The following CUL5 variants were observed in gnomAD, a reference collection of about 807,000 sequenced individuals.
The protein encoded by CUL5 is cullin 5.
In CUL5, 26 loss-of-function variants were observed where a neutral mutation model predicts 108.8. The ratio of observed to expected loss-of-function variants is 0.24; its 90% CI spans 0.18 to 0.33. CUL5 has a LOEUF of 0.33. CUL5 is among the 10% of genes least tolerant of loss of function. The pLI, the probability that CUL5 is intolerant of heterozygous loss-of-function variation, is 1.00. For synonymous variants in CUL5, 334 were observed against 298.0 expected (o/e 1.12, Z -1.25); for missense variants, 524 against 909.2 (o/e 0.58, Z 5.45).
At chr11:108,042,952 G>A (rs1477604473) in intron 2 of CUL5, among the ~76,000 whole-genome samples, 1 of 152,038 alleles carries the variant, frequency 6.6e-6, no homozygotes, top group Non-Finnish European at 1.5e-5. Flanking sequence ...TAGTAGAGAT[G>A]GAGTTTCGCT....
rs749890524 is a variant in CUL5, at chr11:108,046,276, G to A, written c.141G>A (p.Val47=). 3.3e-5 allele frequency: 53 copies of A among 1,604,372 alleles called. No individual in the cohort carries two copies. Among genetic ancestry groups the A allele is most frequent in the Non-Finnish European group, 4.3e-5 (50 of 1,173,220 alleles). The change falls in exon 3 of 19, where the codon GTG becomes GTA. Residue 47 remains valine, a synonymous_variant. Transcript: ENST00000393094. ...KQQWFDLFSD[V]HAVCLWDDKG... The stretch of plus-strand genomic sequence containing the variant: ...ACCTACTTTATATTCACAGGGATGT[G>A]CATGCAGTCTGTCTTTGGGATGATA...
At chr11:108,013,441 G>A (rs183383869) in intron 1 of CUL5, among the ~76,000 whole-genome samples, 3 of 152,256 alleles carry the variant, frequency 2.0e-5, no homozygotes, top group Admixed American at 2.0e-4. Context: ...GATCTTTCCA[G>A]CTGGGTCTTC....
chr11:108,105,964 A>C lies in CUL5; in HGVS notation c.*1580A>C, dbSNP rs1565275018. 1 of 152,200 alleles carries C rather than the reference A, an allele frequency of 6.6e-6. No homozygotes were observed. Among genetic ancestry groups the C allele is most frequent in the Non-Finnish European group, 1.5e-5 (1 of 68,008 alleles). The allele number at this position is 152,200 out of a possible 1,614,324, so 9.4% of individuals were successfully genotyped here. A position where few individuals can be genotyped will look rare whatever the true frequency, so the allele number is the denominator to read the frequency against. Reference sequence around the variant, plus strand: ...CTGAATGGAAGGAAAGCAACTTTAAAACATTTAGAGTTTTGCTGAGTATAG... The same window carrying C: ...CTGAATGGAAGGAAAGCAACTTTAACACATTTAGAGTTTTGCTGAGTATAG... On this transcript the variant is annotated 3_prime_UTR_variant, in exon 19 of 19. Transcript: ENST00000393094.
chr11:108,020,485 A>G (rs1179689302), intron 1 of CUL5, among the ~76,000 whole-genome samples: 1 of 152,138 alleles, frequency 6.6e-6, no homozygotes, highest in Non-Finnish European at 1.5e-5. Flanking sequence ...AGTTTATAGA[A>G]TAAGGATATA....
intron 7 of CUL5, among the ~76,000 whole-genome samples, chr11:108,057,140 C>G (rs946962177): frequency 1.3e-5 from 2 of 152,146 alleles, no homozygotes; most frequent in Non-Finnish European, 2.9e-5. Context: ...AAAAGGCCAA[C>G]TAAAAGAATA....
chr11:108,070,365 G>A (rs1863790600), intron 8 of CUL5, among the ~76,000 whole-genome samples, 176 bp downstream of exon 8: 1 of 152,118 alleles, frequency 6.6e-6, no homozygotes, highest in Admixed American at 6.5e-5. Context: ...ACTGCTAAGA[G>A]TATATAAACT....
chr11:108,011,905 C>T (rs1044586926), intron 1 of CUL5, among the ~76,000 whole-genome samples: 5 of 152,314 alleles, frequency 3.3e-5, no homozygotes, highest in South Asian at 4.1e-4. Flanking sequence ...GGATTATAGG[C>T]GTGAGCCACC....
intron 13 of CUL5, among the ~76,000 whole-genome samples, chr11:108,090,020 A>G (rs986927694): frequency 1.4e-5 from 2 of 140,996 alleles, no homozygotes; most frequent in Admixed American, 7.6e-5. Context: ...AGCCTGGGTA[A>G]CAGAGTGGGA....
At chr11:108,103,738 G>T (rs1048713609) in intron 18 of CUL5, among the ~76,000 whole-genome samples, 1 of 152,144 alleles carries the variant, frequency 6.6e-6, no homozygotes, top group Non-Finnish European at 1.5e-5. Context: ...AAAACATTAG[G>T]TGTAGTTTTC....
At chr11:108,101,439 T>C (rs1864662885) in intron 18 of CUL5, among the ~76,000 whole-genome samples, 1 of 152,262 alleles carries the variant, frequency 6.6e-6, no homozygotes, top group Non-Finnish European at 1.5e-5. Context: ...TTCTAGTTGC[T>C]AAGGGCCCCA....
chr11:108,038,915 A>G (rs1343489169), intron 2 of CUL5, among the ~76,000 whole-genome samples: 1 of 151,746 alleles, frequency 6.6e-6, no homozygotes, highest in East Asian at 1.9e-4. Context: ...CTTTTCTCCT[A>G]ATCTATATTC....
chr11:108,080,949 TATC>T lies in CUL5; in HGVS notation c.1178+2712_1178+2714del, dbSNP rs1864064517. ...GTTTCATATTTAGATCATGAAGATT[TATC>T]ATTATTTATTTATTTATTTATTTAT... is the stretch of plus-strand genomic sequence containing the variant. On this transcript the variant is annotated intron_variant, in intron 11 of 18. Coordinates refer to ENST00000393094, the MANE Select transcript of CUL5 (RefSeq NM_003478.6). Among the ~76,000 whole-genome samples the T allele has an allele frequency of 1.4e-5, 2 of 140,562 alleles. 1 individual carries two copies. The highest frequency in any genetic ancestry group is 4.5e-4 in the South Asian group (2 of 4,442). 92.2% of individuals were successfully genotyped at this position (140,562 alleles called of 152,430 possible).
At chr11:108,070,287 T>A (rs1323900729) in intron 8 of CUL5, 98 bp downstream of exon 8, 1 of 801,758 alleles carries the variant, frequency 1.2e-6, no homozygotes, top group Non-Finnish European at 2.1e-6. Flanking sequence ...CTTTTCCACA[T>A]AGGTATATGT....
rs112229254 is a variant in CUL5 at position 108,078,733 on chromosome 11, T to TG, written c.1178+493_1178+494insG. ...GTACTAAATAGCAATAAAGGTTAGTTAAAAAAAGTCTTTTGATGTGCTTCT... is the reference window on the plus strand; with the variant it reads ...GTACTAAATAGCAATAAAGGTTAGTTGAAAAAAAGTCTTTTGATGTGCTTCT... On this transcript the variant is annotated intron_variant, in intron 11 of 18. Transcript: ENST00000393094. Among the ~76,000 whole-genome samples the TG allele has an allele frequency of 7.4e-3, 1,125 of 152,214 alleles. 5 individuals carry two copies. Among genetic ancestry groups the TG allele is most frequent in the South Asian group, 0.016 (75 of 4,824 alleles).
chr11:108,011,652 G>A (rs374803853), intron 1 of CUL5, among the ~76,000 whole-genome samples: 67 of 151,186 alleles, frequency 4.4e-4, no homozygotes, highest in African/African-American at 1.6e-3. Flanking sequence ...GGAGGGGGAC[G>A]GAGTCTCGCT....
In CUL5 at chr11:108,089,485, C is replaced by A. The variant is rs1394756651; in HGVS notation, c.1312-7C>A. 2 of 1,535,240 alleles carry A rather than the reference C, an allele frequency of 1.3e-6. No homozygotes were observed. The highest frequency in any genetic ancestry group is 1.4e-5 in the African/African-American group (1 of 70,386). On this transcript the variant is annotated splice_region_variant and splice_polypyrimidine_tract_variant and intron_variant, in intron 12 of 18. Coordinates refer to ENST00000393094, the MANE Select transcript of CUL5 (RefSeq NM_003478.6). ...AAGAACTGAAAGTAACTTTATTTTT[C>A]ATACAGCTCTTGGTACTTAAGTATG...
intron 17 of CUL5, among the ~76,000 whole-genome samples, chr11:108,098,030 G>C (rs1335794405): frequency 1.3e-5 from 2 of 152,222 alleles, no homozygotes; most frequent in Middle Eastern, 3.4e-3. Context: ...TTTATTCAGA[G>C]AAAGCGTTTT....
At chr11:108,015,225 GCCTCTGAGGAGAT>G (rs1862151591) in intron 1 of CUL5, among the ~76,000 whole-genome samples, 1 of 152,142 alleles carries the variant, frequency 6.6e-6, no homozygotes, top group South Asian at 2.1e-4. Context: ...GTGAGGGAAT[GCCTCTGAGGAGAT>G]AATAGTTGAG....
At position 108,040,646 on chromosome 11, in the gene CUL5, G is replaced by A. The variant is rs766112965; in HGVS notation, c.135-5624G>A. Among the ~76,000 whole-genome samples the A allele has an allele frequency of 6.0e-5, 9 of 149,734 alleles. No individual in the cohort carries two copies. The South Asian group carries it at 6.3e-4, about 11-fold the overall frequency. On this transcript the variant is annotated intron_variant, in intron 2 of 18. Transcript: ENST00000393094. ...AAAAAAAAAAAAAAATTAGCCAGTC[G>A]TGGTGGCACGTGCCTGTAGTCCCAA...
Sources: allele counts gnomAD v4.1 joint callset (sites outside exome capture counted in the v4.1 genomes callset), GRCh38; gene constraint gnomAD v4.1.1; transcripts MANE v1.5; gene names NCBI Gene and HGNC (gene_info 2026-07-23, HGNC 2026-07-21).